SPECC1L: variants seen among roughly 807,000 people sequenced by gnomAD.
SPECC1L encodes sperm antigen with calponin homology and coiled-coil domains 1 like, also known as cytospin-A.
SPECC1L carries 40 observed loss-of-function variants against 116.8 expected under a neutral mutation model. The observed-to-expected ratio is 0.34, with a 90% CI of 0.27 to 0.45. SPECC1L has a LOEUF of 0.45. Ranked by LOEUF, SPECC1L falls within the 20% of genes least tolerant of loss-of-function variation. SPECC1L has a pLI of 1.00. For synonymous variants in SPECC1L, 504 were observed against 500.6 expected (o/e 1.01, Z -0.09); for missense variants, 1,110 against 1,373.6 (o/e 0.81, Z 3.03).
chr22:24,309,423 T>G (rs1471422418), intron 3 of SPECC1L, among the ~76,000 whole-genome samples: 1 of 152,152 alleles, frequency 6.6e-6, no homozygotes, highest in African/African-American at 2.4e-5. Context: ...TTTTTCTTTT[T>G]GAGAGTCTAG....
chr22:24,385,908 A>G (rs929241734), intron 14 of SPECC1L, among the ~76,000 whole-genome samples: 1 of 152,248 alleles, frequency 6.6e-6, no homozygotes, highest in African/African-American at 2.4e-5. Flanking sequence ...TGACTGAGCT[A>G]TAAAACACTG....
At chr22:24,384,006 A>G (rs2042114544) in intron 14 of SPECC1L, among the ~76,000 whole-genome samples, 4 of 151,880 alleles carry the variant, frequency 2.6e-5, no homozygotes, top group Admixed American at 2.0e-4. Flanking sequence ...GAACTCCCAT[A>G]TATGTGTTTC....
rs199782105 is a variant in SPECC1L at position 24,328,934 on chromosome 22, C to A, written c.2220+15C>A. 146 of 1,586,932 alleles carry A rather than the reference C, an allele frequency of 9.2e-5. 3 individuals carry two copies. The South Asian group carries it at 1.6e-3, about 17-fold the overall frequency. ...GAAGACTTCGGGTAGGATAAATCTT[C>A]ATGTATTGTCTTGTTAGAAAACGGT... is the stretch of plus-strand genomic sequence containing the variant. On this transcript the variant is annotated intron_variant, in intron 7 of 16. Coordinates refer to ENST00000314328, the MANE Select transcript of SPECC1L (RefSeq NM_015330.6).
At chr22:24,409,840 C>T (rs1253742386) in intron 14 of SPECC1L, among the ~76,000 whole-genome samples, 1 of 152,104 alleles carries the variant, frequency 6.6e-6, no homozygotes, top group Non-Finnish European at 1.5e-5. Context: ...GCCTGGGCGA[C>T]ATAGCGAAAC....
chr22:24,283,637 G>A (rs1414050122), intron 2 of SPECC1L, among the ~76,000 whole-genome samples: 2 of 152,176 alleles, frequency 1.3e-5, no homozygotes, highest in Non-Finnish European at 2.9e-5. Context: ...TTCTGGAAGA[G>A]TTTGTAAAGA....
chr22:24,316,865 G>A, intron 4 of SPECC1L, among the ~76,000 whole-genome samples: 1 of 133,304 alleles, frequency 7.5e-6, no homozygotes, highest in East Asian at 2.4e-4. Context: ...CCGGGCAGAG[G>A]CGCCCCTCAC....
At chr22:24,342,527 G>A (rs540278475) in intron 10 of SPECC1L, among the ~76,000 whole-genome samples, 2 of 152,122 alleles carry the variant, frequency 1.3e-5, no homozygotes, top group Admixed American at 6.5e-5. Flanking sequence ...AAAAAAATTA[G>A]CCAGGCACGG....
At chr22:24,311,301 G>A (rs190282239) in intron 3 of SPECC1L, among the ~76,000 whole-genome samples, 9 of 152,254 alleles carry the variant, frequency 5.9e-5, no homozygotes, top group African/African-American at 2.2e-4. Flanking sequence ...TTTAACTTAC[G>A]GAGGAAGAAA....
chr22:24,356,195 A>G (rs913823259), intron 11 of SPECC1L, among the ~76,000 whole-genome samples: 2 of 151,830 alleles, frequency 1.3e-5, no homozygotes, highest in Non-Finnish European at 2.9e-5. Flanking sequence ...AGTTGGTTGT[A>G]TTGTTCAAGT....
At chr22:24,303,755 C>G (rs762201688) in intron 3 of SPECC1L, among the ~76,000 whole-genome samples, 18 of 151,944 alleles carry the variant, frequency 1.2e-4, no homozygotes, top group Admixed American at 1.3e-4. Flanking sequence ...AGTACTTTTC[C>G]ACTGTAAAGC....
At chr22:24,396,276 C>A (rs1182055127) in intron 14 of SPECC1L, among the ~76,000 whole-genome samples, 1 of 149,916 alleles carries the variant, frequency 6.7e-6, no homozygotes, top group African/African-American at 2.5e-5. Context: ...TGACCTTTGC[C>A]CTCAAAGAAC....
Position 24,363,284 on chromosome 22 carries a change from G to A in SPECC1L, c.2767G>A (p.Ala923Thr). The A allele has an allele frequency of 6.2e-7, 1 of 1,614,180 alleles. No homozygotes were observed. Among genetic ancestry groups the A allele is most frequent in the Non-Finnish European group, 8.5e-7 (1 of 1,180,024 alleles). ...VQEHLLRTSS[A>T]SRPASLPRVP... ...AGAGCATCTGTTAAGAACATCTTCA[G>A]CCAGCCGGCCTGCTTCCCTGCCAAG... The change falls in exon 12 of 17, where the codon GCC (alanine) becomes ACC (threonine). Residue 923 changes from alanine (A) to threonine (T), a missense_variant. Physicochemically the swap from Ala to Thr is moderately conservative, Grantham distance 58 (BLOSUM62 0). Coordinates refer to ENST00000314328, the MANE Select transcript of SPECC1L (RefSeq NM_015330.6).
intron 2 of SPECC1L, among the ~76,000 whole-genome samples, chr22:24,279,093 C>T (rs2048892453): frequency 6.6e-6 from 1 of 151,958 alleles, no homozygotes; most frequent in Non-Finnish European, 1.5e-5. Flanking sequence ...ACTTCCAGGC[C>T]CATTCAAGAG....
Position 24,324,420 on chromosome 22 carries a change from T to C in SPECC1L, c.2139T>C (p.Asp713=). ...VKLHDNLIIS[D]LENTVKKLQD... The stretch of plus-strand genomic sequence containing the variant: ...TTCATGACAACCTCATTATTTCTGA[T>C]CTAGAGAGTAAGTGATAAGAACTTT... Residue 713 remains aspartate, a synonymous_variant, in exon 6 of 17, where the codon GAT becomes GAC. Coordinates refer to ENST00000314328, the MANE Select transcript of SPECC1L (RefSeq NM_015330.6). 1 of 1,613,100 alleles carries C rather than the reference T, an allele frequency of 6.2e-7. No homozygotes were observed. The highest frequency in any genetic ancestry group is 8.5e-7 in the Non-Finnish European group (1 of 1,179,044).
chr22:24,398,755 T>C (rs1405869029), intron 14 of SPECC1L, among the ~76,000 whole-genome samples: 1 of 152,162 alleles, frequency 6.6e-6, no homozygotes, highest in Non-Finnish European at 1.5e-5. Flanking sequence ...TTGGAAGGCC[T>C]AATTAGTTTC....
At chr22:24,409,133 A>G (rs776760101) in intron 14 of SPECC1L, among the ~76,000 whole-genome samples, 3 of 152,260 alleles carry the variant, frequency 2.0e-5, no homozygotes, top group African/African-American at 2.4e-5. Context: ...AAGATTCTGT[A>G]CAGATATAGT....
At chr22:24,271,991 A>G (rs1490835122) in intron 1 of SPECC1L, among the ~76,000 whole-genome samples, 2 of 152,232 alleles carry the variant, frequency 1.3e-5, no homozygotes, top group African/African-American at 4.8e-5. Flanking sequence ...TTTGTAGACA[A>G]CAGCAGTCAT....
chr22:24,347,393 TAGAG>T (rs774308947), intron 11 of SPECC1L, among the ~76,000 whole-genome samples: 12 of 152,168 alleles, frequency 7.9e-5, no homozygotes, highest in Admixed American at 2.6e-4. Context: ...TAATGGGTAA[TAGAG>T]AGTGTACACC....
rs534850076 is a variant in SPECC1L, at chr22:24,347,385, A to G, written c.2743+209A>G. On this transcript the variant is annotated intron_variant, in intron 11 of 16. Transcript: ENST00000314328. ...TGCATCTTTCCTGACAGCTGTCATA[A>G]TGGGTAATAGAGAGTGTACACCATT... Among the ~76,000 whole-genome samples the G allele has an allele frequency of 2.0e-5, 3 of 152,310 alleles. No homozygotes were observed. In the East Asian group the frequency reaches 5.8e-4, roughly 29 times the overall value.
Sources: gnomAD v4.1 joint callset for allele counts (sites outside exome capture counted in the v4.1 genomes callset) on GRCh38, gnomAD v4.1.1 for gene constraint, MANE v1.5 for transcripts, NCBI Gene and HGNC (gene_info 2026-07-23, HGNC 2026-07-21) for gene names.